The following STX8 variants were observed in gnomAD, a reference collection of about 807,000 sequenced individuals.
STX8 encodes the protein syntaxin 8, also known as syntaxin-8.
Under a neutral mutation model 37.5 loss-of-function variants are expected in STX8, and 23 were observed. The observed-to-expected ratio is 0.61, with a 90% CI of 0.44 to 0.87. STX8 has a LOEUF of 0.87. Ranked by LOEUF, STX8 falls within the 40% of genes least tolerant of loss-of-function variation. STX8 has a pLI of 0.00. For synonymous variants in STX8, 115 were observed against 99.1 expected (o/e 1.16, Z -0.95); for missense variants, 313 against 284.7 (o/e 1.10, Z -0.71).
At chr17:9,388,812 G>GAAA (rs79059878) in intron 6 of STX8, among the ~76,000 whole-genome samples, 5 of 108,024 alleles carry the variant, frequency 4.6e-5, no homozygotes, top group African/African-American at 1.5e-4. Flanking sequence ...TCAAAAAAAA[G>GAAA]AAAAAAAAAA....
chr17:9,493,587 C>T (rs1232493829), intron 5 of STX8, among the ~76,000 whole-genome samples: 1 of 152,312 alleles, frequency 6.6e-6, no homozygotes, highest in Middle Eastern at 3.4e-3. Flanking sequence ...CAGGGCACCA[C>T]GGGGGCTTCT....
At chr17:9,377,126 C>T (rs1911620440) in intron 7 of STX8, among the ~76,000 whole-genome samples, 1 of 152,054 alleles carries the variant, frequency 6.6e-6, no homozygotes, top group Non-Finnish European at 1.5e-5. Flanking sequence ...TCTTACTGAG[C>T]AAACACAGCC....
At chr17:9,519,187 A>G (rs1905250386) in intron 4 of STX8, among the ~76,000 whole-genome samples, 1 of 152,232 alleles carries the variant, frequency 6.6e-6, no homozygotes, top group East Asian at 1.9e-4. Context: ...ATATCTCCCT[A>G]CAGGTTCTTT....
intron 7 of STX8, among the ~76,000 whole-genome samples, chr17:9,253,926 G>A (rs1211073851): frequency 6.6e-6 from 1 of 152,196 alleles, no homozygotes; most frequent in Admixed American, 6.5e-5. Flanking sequence ...GGAGCGTGAG[G>A]TCCAAGGGAA....
In STX8 at chr17:9,394,384, A is replaced by ATTT. The variant is rs111555086; in HGVS notation, c.542-15734_542-15732dup. 8.4e-3 allele frequency among the ~76,000 whole-genome samples: 1,239 copies of ATTT among 148,046 alleles called. 17 individuals carry two copies. The highest frequency in any genetic ancestry group is 0.028 in the African/African-American group (1,141 of 40,704). On this transcript the variant is annotated intron_variant, in intron 6 of 7. Transcript: ENST00000306357. Reference sequence around the variant, plus strand: ...ATTATTTATTTATTTATTTAAATTCATTTTTTTTTTTGAGACTAAGTCTCA... The same window carrying ATTT: ...ATTATTTATTTATTTATTTAAATTCATTTTTTTTTTTTTTGAGACTAAGTCTCA...
At chr17:9,287,791 C>T (rs149098838) in intron 7 of STX8, among the ~76,000 whole-genome samples, 52 of 151,714 alleles carry the variant, frequency 3.4e-4, no homozygotes, top group African/African-American at 1.2e-3. Context: ...CTCACTCGGT[C>T]GCCAGACTGG....
chr17:9,567,409 C>G (rs1470429354), intron 2 of STX8, among the ~76,000 whole-genome samples: 1 of 152,050 alleles, frequency 6.6e-6, no homozygotes, highest in African/African-American at 2.4e-5. Flanking sequence ...GTCGTGGTAC[C>G]TTATAGTAAT....
At chr17:9,301,626 G>A (rs1908788683) in intron 7 of STX8, among the ~76,000 whole-genome samples, 1 of 151,220 alleles carries the variant, frequency 6.6e-6, no homozygotes, top group Non-Finnish European at 1.5e-5. Flanking sequence ...GGGACTACAG[G>A]CGCCTGCCAC....
chr17:9,389,822 C>T lies in STX8; in HGVS notation c.542-11169G>A, dbSNP rs548293729. Among the ~76,000 whole-genome samples the T allele has an allele frequency of 5.9e-5, 9 of 152,162 alleles. No homozygotes were observed. In the South Asian group the frequency reaches 1.9e-3, roughly 32 times the overall value. ...TTCTTGAGGGTATTAGTTTAATTCC[C>T]TCCGTTCCCTATAATTGATATCATA... On this transcript the variant is annotated intron_variant, in intron 6 of 7. Transcript: ENST00000306357.
intron 4 of STX8, among the ~76,000 whole-genome samples, chr17:9,530,789 T>C (rs183248830): frequency 6.6e-6 from 1 of 152,376 alleles, no homozygotes; most frequent in African/African-American, 2.4e-5. Context: ...CATTGTGGTA[T>C]CTTTTGATAA....
intron 6 of STX8, among the ~76,000 whole-genome samples, chr17:9,488,866 G>A (rs536248827): frequency 6.0e-4 from 89 of 148,518 alleles, no homozygotes; most frequent in African/African-American, 1.7e-3. Context: ...TCTCTCGCTC[G>A]GTCACGTGTG....
chr17:9,454,495 A>G (rs892097029), intron 6 of STX8, among the ~76,000 whole-genome samples: 2 of 151,896 alleles, frequency 1.3e-5, no homozygotes, highest in Non-Finnish European at 2.9e-5. Context: ...TGGCTAACAC[A>G]GTGAAACCCC....
At chr17:9,356,417 A>G (rs1332576042) in intron 7 of STX8, among the ~76,000 whole-genome samples, 1 of 152,180 alleles carries the variant, frequency 6.6e-6, no homozygotes, top group Non-Finnish European at 1.5e-5. Flanking sequence ...TTGTCAGGAG[A>G]ATATATGTTG....
chr17:9,391,980 G>T (rs901151370), intron 6 of STX8, among the ~76,000 whole-genome samples: 1 of 152,142 alleles, frequency 6.6e-6, no homozygotes, highest in Non-Finnish European at 1.5e-5. Context: ...TGAACTACAG[G>T]AGAGAAAACC....
At chr17:9,377,047 C>T (rs1911616642) in intron 7 of STX8, among the ~76,000 whole-genome samples, 1 of 152,038 alleles carries the variant, frequency 6.6e-6, no homozygotes, top group Non-Finnish European at 1.5e-5. Flanking sequence ...CCATGGGGCT[C>T]CACTACCTCT....
chr17:9,424,234 G>T (rs372565731), intron 6 of STX8, among the ~76,000 whole-genome samples: 11 of 152,096 alleles, frequency 7.2e-5, no homozygotes, highest in African/African-American at 2.4e-4. Flanking sequence ...GGGTGGCCGG[G>T]CAGCCAGGCA....
rs57965410 is a variant in STX8, at chr17:9,319,650, T to A, written c.643+58902A>T. Among the ~76,000 whole-genome samples the A allele has an allele frequency of 9.7e-3, 1,475 of 151,596 alleles. 25 individuals carry two copies. The highest frequency in any genetic ancestry group is 0.034 in the African/African-American group (1,406 of 41,304). On this transcript the variant is annotated intron_variant, in intron 7 of 7. Transcript: ENST00000306357. ...AAGGAAGATTCGGTTCAGAAAAAAA[T>A]TTCAAAATAAAATGAAAGCCGGCCA...
At chr17:9,312,188 T>A (rs1415209552) in intron 7 of STX8, among the ~76,000 whole-genome samples, 1 of 149,774 alleles carries the variant, frequency 6.7e-6, no homozygotes, top group East Asian at 2.0e-4. Flanking sequence ...TATATAAGCA[T>A]GAGACTCTTT....
At chr17:9,487,123 G>T (rs1183180789) in intron 6 of STX8, among the ~76,000 whole-genome samples, 2 of 152,142 alleles carry the variant, frequency 1.3e-5, no homozygotes, top group Admixed American at 6.5e-5. Flanking sequence ...GGTTGGTCAG[G>T]CCCTTTTTAA....
Sources: gnomAD v4.1 joint callset for allele counts (sites outside exome capture counted in the v4.1 genomes callset) on GRCh38, gnomAD v4.1.1 for gene constraint, MANE v1.5 for transcripts, NCBI Gene and HGNC (gene_info 2026-07-23, HGNC 2026-07-21) for gene names.